NPIPA1: variants seen among roughly 807,000 people sequenced by gnomAD.
NPIPA1 encodes the protein nuclear pore complex interacting protein family member A1.
For synonymous variants in NPIPA1, 7 were observed against 88.0 expected, an observed-to-expected ratio of 0.08 and a Z score of 5.15; for missense variants, 22 against 232.2, an observed-to-expected ratio of 0.09 and a Z score of 5.88.
intron 1 of NPIPA1, among the ~76,000 whole-genome samples, chr16:14,938,650 C>T (rs1244026581): frequency 7.7e-4 from 108 of 140,284 alleles, no homozygotes; most frequent in Non-Finnish European, 9.0e-4. Flanking sequence ...TGCAGTGAGC[C>T]GAGATGGCCC....
rs867312882 is a variant in NPIPA1, at chr16:14,946,536, T to A, written c.437+555T>A. Among the ~76,000 whole-genome samples, 1,072 of 146,416 alleles carry A rather than the reference T, an allele frequency of 7.3e-3. 3 individuals carry two copies. Among genetic ancestry groups the A allele is most frequent in the East Asian group, 0.017 (78 of 4,694 alleles). The stretch of plus-strand genomic sequence containing the variant: ...CACACCCAGGCTTTTTTTTTTTTTT[T>A]AATTTTGAGATAGAGTCTCGCTCTG... On this transcript the variant is annotated intron_variant, in intron 4 of 7. Transcript: ENST00000328085.
At chr16:14,946,490 G>A (rs1965889106) in intron 4 of NPIPA1, among the ~76,000 whole-genome samples, 2 of 151,400 alleles carry the variant, frequency 1.3e-5, no homozygotes, top group Admixed American at 6.7e-5. Flanking sequence ...CCAAAGTGCT[G>A]GGATTAGAGG....
chr16:14,947,828 A>G (rs1318345096), intron 4 of NPIPA1, among the ~76,000 whole-genome samples: 2 of 152,166 alleles, frequency 1.3e-5, no homozygotes, highest in Non-Finnish European at 2.9e-5. Flanking sequence ...TCTAGTTCCC[A>G]AGTGCACAGC....
chr16:14,940,449 C>A (rs1401672266), intron 1 of NPIPA1, among the ~76,000 whole-genome samples: 144 of 151,680 alleles, frequency 9.5e-4, no homozygotes, highest in African/African-American at 3.4e-3. Flanking sequence ...TGGCTCACAC[C>A]TGTATTGCCA....
chr16:14,943,543 C>A (rs1162871881), intron 2 of NPIPA1, among the ~76,000 whole-genome samples: 1 of 149,300 alleles, frequency 6.7e-6, no homozygotes, highest in East Asian at 2.1e-4. Flanking sequence ...TTGTACCTCT[C>A]ATCTTTGTCC....
At chr16:14,946,499 G>A in intron 4 of NPIPA1, among the ~76,000 whole-genome samples, 1 of 151,470 alleles carries the variant, frequency 6.6e-6, no homozygotes, top group Non-Finnish European at 1.5e-5. Flanking sequence ...TGGGATTAGA[G>A]GCGTGAGCCA....
intron 2 of NPIPA1, among the ~76,000 whole-genome samples, chr16:14,943,050 A>C (rs1965789802): frequency 6.6e-6 from 1 of 152,230 alleles, no homozygotes. Flanking sequence ...TGGAAAACAG[A>C]AAATATATGA....
intron 2 of NPIPA1, among the ~76,000 whole-genome samples, chr16:14,943,237 A>C (rs1965796216): frequency 6.6e-6 from 1 of 151,258 alleles, no homozygotes; most frequent in Admixed American, 6.6e-5. Context: ...GCTCACTGCA[A>C]CCTCCACCTC....
At chr16:14,947,099 C>G (rs1379385998) in intron 4 of NPIPA1, among the ~76,000 whole-genome samples, 1 of 152,240 alleles carries the variant, frequency 6.6e-6, no homozygotes, top group African/African-American at 2.4e-5. Context: ...TGTGAGCCAC[C>G]GCACCCAGCC....
chr16:14,942,756 C>A (rs371627316), intron 2 of NPIPA1, among the ~76,000 whole-genome samples: 18 of 151,830 alleles, frequency 1.2e-4, no homozygotes, highest in African/African-American at 2.7e-4. Context: ...GAGAGAGATC[C>A]GTATGTCAAA....
chr16:14,940,494 G>A (rs1965724420), intron 1 of NPIPA1, among the ~76,000 whole-genome samples: 1 of 147,492 alleles, frequency 6.8e-6, no homozygotes, highest in Admixed American at 6.8e-5. Context: ...GGATCATGAG[G>A]TCAGGAGTTG....
chr16:14,944,907 A>ATTTT (rs71270869), intron 2 of NPIPA1, among the ~76,000 whole-genome samples: 33 of 123,052 alleles, frequency 2.7e-4, no homozygotes, highest in Admixed American at 3.3e-4. Flanking sequence ...CCTGGCCTAT[A>ATTTT]TTTTTTTTTT....
intron 2 of NPIPA1, among the ~76,000 whole-genome samples, chr16:14,942,829 T>C (rs369049488): frequency 1.3e-5 from 2 of 152,278 alleles, no homozygotes; most frequent in Non-Finnish European, 2.9e-5. Context: ...TGAGCCTTTT[T>C]TCCTTTGGGT....
chr16:14,943,817 G>A (rs1479117924), intron 2 of NPIPA1, among the ~76,000 whole-genome samples: 1 of 151,980 alleles, frequency 6.6e-6, no homozygotes, highest in African/African-American at 2.4e-5. Context: ...CCTATGTGCA[G>A]AAATCAGGAA....
chr16:14,941,696 C>G (rs1965758703), intron 1 of NPIPA1, 116 bp from the exon 2 acceptor site: 1 of 74,462 alleles, frequency 1.3e-5, no homozygotes, highest in African/African-American at 7.8e-5. Flanking sequence ...ACGGTGATAT[C>G]TGAGGGATGT....
chr16:14,944,903 C>G (rs1411506175), intron 2 of NPIPA1, among the ~76,000 whole-genome samples: 10 of 148,904 alleles, frequency 6.7e-5, no homozygotes, highest in Admixed American at 4.0e-4. Flanking sequence ...CGCACCTGGC[C>G]TATATTTTTT....
At chr16:14,937,870 C>T (rs1597168222) in intron 1 of NPIPA1, among the ~76,000 whole-genome samples, 1 of 98,498 alleles carries the variant, frequency 1.0e-5, no homozygotes. Flanking sequence ...CTTTGTCTCC[C>T]TCTAATTGCT....
intron 2 of NPIPA1, among the ~76,000 whole-genome samples, chr16:14,942,920 T>A (rs1314567161): frequency 1.3e-5 from 2 of 152,282 alleles, no homozygotes; most frequent in African/African-American, 4.8e-5. Flanking sequence ...TTCTGAACAA[T>A]GATCCAAGAT....
chr16:14,950,821 G>A (rs1354350371), intron 7 of NPIPA1: 2 of 742,254 alleles, frequency 2.7e-6, no homozygotes, highest in African/African-American at 2.6e-5. Flanking sequence ...GACTTCTTGA[G>A]GTAAGATTGT....
Sources: allele counts gnomAD v4.1 joint callset (sites outside exome capture counted in the v4.1 genomes callset), GRCh38; gene constraint gnomAD v4.1.1; transcripts MANE v1.5; gene names NCBI Gene and HGNC (gene_info 2026-07-23, HGNC 2026-07-21).